Variants in EPHA6 observed in about 807,000 individuals in gnomAD.
The protein encoded by EPHA6 is ephrin type-A receptor 6.
In EPHA6, 50 loss-of-function variants were observed where a neutral mutation model predicts 112.0. The observed-to-expected ratio is 0.45, with a 90% CI of 0.36 to 0.56. EPHA6 has a LOEUF of 0.56. EPHA6 is among the 20% of genes least tolerant of loss of function. EPHA6 has a pLI of 0.00. For missense variants in EPHA6, 1,280 were observed against 1,417.4 expected, an observed-to-expected ratio of 0.90 and a Z score of 1.56; for synonymous variants, 529 against 490.7, an observed-to-expected ratio of 1.08 and a Z score of -1.03.
chr3:96,824,423 A>AT (rs1236393237), intron 1 of EPHA6, among the ~76,000 whole-genome samples: 2 of 151,694 alleles, frequency 1.3e-5, no homozygotes, highest in Admixed American at 1.3e-4. Context: ...ATTCATTTTA[A>AT]TTTTTTTCCT....
chr3:97,309,075 G>A (rs2081439794), intron 5 of EPHA6, among the ~76,000 whole-genome samples: 1 of 151,726 alleles, frequency 6.6e-6, no homozygotes, highest in South Asian at 2.1e-4. Context: ...ATTTATGGAT[G>A]TGGTCTTTAT....
At chr3:97,720,527 T>C in intron 15 of EPHA6, 117 bp downstream of exon 15, 1 of 888,436 alleles carries the variant, frequency 1.1e-6, no homozygotes. Flanking sequence ...GAACTTCTCA[T>C]GGTCTATGGC....
chr3:97,179,048 G>T (rs1282762225), intron 3 of EPHA6, among the ~76,000 whole-genome samples: 4 of 151,872 alleles, frequency 2.6e-5, no homozygotes, highest in African/African-American at 9.7e-5. Flanking sequence ...GGTCTTCATG[G>T]TTTGTTATTC....
chr3:97,435,432 G>T (rs565112950), intron 6 of EPHA6, among the ~76,000 whole-genome samples: 48 of 152,104 alleles, frequency 3.2e-4, no homozygotes, highest in South Asian at 6.2e-4. Flanking sequence ...AAAGGTGAGA[G>T]AAAAAATAAA....
chr3:97,193,164 A>G (rs1039956984), intron 3 of EPHA6, among the ~76,000 whole-genome samples: 1 of 151,952 alleles, frequency 6.6e-6, no homozygotes, highest in African/African-American at 2.4e-5. Context: ...TACTTTTTCT[A>G]CTTCTGTGAA....
At chr3:96,939,091 G>A (rs542604400) in intron 2 of EPHA6, among the ~76,000 whole-genome samples, 2 of 152,166 alleles carry the variant, frequency 1.3e-5, no homozygotes, top group South Asian at 2.1e-4. Flanking sequence ...TCTCTGCCAG[G>A]CTTTGGTATC....
intron 2 of EPHA6, among the ~76,000 whole-genome samples, chr3:96,903,455 A>G (rs1419247025): frequency 1.3e-5 from 2 of 152,288 alleles, no homozygotes; most frequent in East Asian, 3.9e-4. Context: ...CAAAATGGGG[A>G]ATGGGGTAGT....
intron 5 of EPHA6, among the ~76,000 whole-genome samples, chr3:97,391,406 T>G (rs2109062763): frequency 6.6e-6 from 1 of 152,124 alleles, no homozygotes; most frequent in East Asian, 1.9e-4. Flanking sequence ...ACAGTACAGT[T>G]TGTAAGTGCT....
At chr3:97,455,304 A>G (rs1690153433) in intron 7 of EPHA6, among the ~76,000 whole-genome samples, 1 of 152,012 alleles carries the variant, frequency 6.6e-6, no homozygotes, top group Admixed American at 6.6e-5. Flanking sequence ...GGTTACCAAA[A>G]CATGTATAGC....
At chr3:97,626,889 A>G (rs181014952) in intron 13 of EPHA6, among the ~76,000 whole-genome samples, 6 of 151,988 alleles carry the variant, frequency 3.9e-5, no homozygotes, top group Admixed American at 3.3e-4. Flanking sequence ...AGATTTCTAA[A>G]GTGAGGCAGT....
intron 5 of EPHA6, among the ~76,000 whole-genome samples, chr3:97,336,986 A>C (rs1045298184): frequency 6.6e-6 from 1 of 151,960 alleles, no homozygotes; most frequent in Admixed American, 6.6e-5. Context: ...GATGAAAAAG[A>C]GTAGTAAAAA....
At chr3:97,097,005 A>G (rs1431152713) in intron 3 of EPHA6, among the ~76,000 whole-genome samples, 1 of 151,778 alleles carries the variant, frequency 6.6e-6, no homozygotes, top group Non-Finnish European at 1.5e-5. Flanking sequence ...TTAAATAAAA[A>G]TTCAAATTCC....
chr3:96,909,968 G>A (rs2107599391), intron 2 of EPHA6, among the ~76,000 whole-genome samples: 1 of 152,060 alleles, frequency 6.6e-6, no homozygotes, highest in South Asian at 2.1e-4. Flanking sequence ...GTTTGGTGCT[G>A]TGACTGGCCA....
At chr3:97,315,768 TTTG>T (rs1390051655) in intron 5 of EPHA6, among the ~76,000 whole-genome samples, 2 of 151,760 alleles carry the variant, frequency 1.3e-5, no homozygotes, top group Admixed American at 6.6e-5. Flanking sequence ...CTATGAAATG[TTTG>T]TTATTACCAT....
intron 14 of EPHA6, among the ~76,000 whole-genome samples, chr3:97,693,939 T>C (rs185020001): frequency 1.3e-5 from 2 of 152,364 alleles, no homozygotes; most frequent in Non-Finnish European, 2.9e-5. Context: ...ATGGTTATAA[T>C]TGTGCTTGGT....
intron 1 of EPHA6, among the ~76,000 whole-genome samples, chr3:96,823,738 A>T (rs997490357): frequency 6.6e-6 from 1 of 151,834 alleles, no homozygotes; most frequent in Non-Finnish European, 1.5e-5. Flanking sequence ...AAAGACTGGA[A>T]TATCTTGGAA....
chr3:96,962,116 T>C (rs997352540), intron 2 of EPHA6, among the ~76,000 whole-genome samples: 6 of 151,490 alleles, frequency 4.0e-5, no homozygotes, highest in African/African-American at 1.5e-4. Context: ...ACCTGATGTG[T>C]ACACAGACAG....
chr3:97,207,245 G>T (rs2108507700), intron 3 of EPHA6, among the ~76,000 whole-genome samples: 1 of 152,204 alleles, frequency 6.6e-6, no homozygotes, highest in East Asian at 1.9e-4. Flanking sequence ...ATAAGTCAAA[G>T]AATATCAAGG....
At position 97,760,119 on chromosome 3, in the gene EPHA6, G is replaced by A. The variant is rs200681991; in HGVS notation, c.*11418G>A. On this transcript the variant is annotated 3_prime_UTR_variant, in exon 18 of 18. Coordinates refer to ENST00000389672, the MANE Select transcript of EPHA6 (RefSeq NM_001080448.3). ...TCAACCTGTCACTTTTTTCAAACAC[G>A]ATTTGGGAGGGTATTGAGGTCCCAT... The A allele has an allele frequency of 1.1e-5, 2 of 180,626 alleles. No homozygotes were observed. Among genetic ancestry groups the A allele is most frequent in the Non-Finnish European group, 1.2e-5 (1 of 84,700 alleles). 11.2% of individuals were successfully genotyped at this position (180,626 alleles called of 1,614,324 possible).
Sources: gnomAD v4.1 joint callset for allele counts (sites outside exome capture counted in the v4.1 genomes callset) on GRCh38, gnomAD v4.1.1 for gene constraint, MANE v1.5 for transcripts, NCBI Gene and HGNC (gene_info 2026-07-23, HGNC 2026-07-21) for gene names.